SLC25A26: variants seen among roughly 807,000 people sequenced by gnomAD.
SLC25A26 encodes the protein solute carrier family 25 member 26.
SLC25A26 carries 36 observed loss-of-function variants against 37.8 expected under a neutral mutation model. That is an observed-to-expected ratio of 0.95 (90% CI 0.73 to 1.26). The LOEUF is 1.26. Ranked by LOEUF, SLC25A26 falls within the 50% of genes most tolerant of loss-of-function variation. The probability of loss-of-function intolerance (pLI) is 0.00; values close to 1 mark genes in which losing one functional copy is unlikely to be tolerated. For synonymous variants in SLC25A26, 129 were observed against 122.5 expected (o/e 1.05, Z -0.35); for missense variants, 390 against 331.1 (o/e 1.18, Z -1.38).
intron 1 of SLC25A26, among the ~76,000 whole-genome samples, chr3:66,187,271 C>T (rs1375235806): frequency 6.6e-6 from 1 of 151,878 alleles, no homozygotes; most frequent in African/African-American, 2.4e-5. Flanking sequence ...TCACACACAG[C>T]CTTACCCTTC....
intron 5 of SLC25A26, among the ~76,000 whole-genome samples, chr3:66,332,910 G>A (rs2076010181): frequency 6.6e-6 from 1 of 152,152 alleles, no homozygotes; most frequent in African/African-American, 2.4e-5. Context: ...TGACATATGT[G>A]GGTGGTGTAT....
intron 1 of SLC25A26, among the ~76,000 whole-genome samples, chr3:66,222,654 A>AACT (rs1201129762): frequency 6.6e-6 from 1 of 152,240 alleles, no homozygotes; most frequent in African/African-American, 2.4e-5. Flanking sequence ...GAAGTGGGAT[A>AACT]CCAAGAGATT....
chr3:66,177,458 C>T (rs1454318019), intron 1 of SLC25A26, among the ~76,000 whole-genome samples: 1 of 152,176 alleles, frequency 6.6e-6, no homozygotes. Flanking sequence ...CAGCAACAAC[C>T]CACAACACTT....
chr3:66,273,573 A>G (rs1051780653), intron 5 of SLC25A26, among the ~76,000 whole-genome samples: 1 of 152,318 alleles, frequency 6.6e-6, no homozygotes, highest in South Asian at 2.1e-4. Context: ...TACAAAATCA[A>G]TGTACAAAAA....
At chr3:66,319,915 G>C (rs1220032219) in intron 5 of SLC25A26, among the ~76,000 whole-genome samples, 2 of 151,712 alleles carry the variant, frequency 1.3e-5, no homozygotes, top group African/African-American at 4.8e-5. Flanking sequence ...CACCACGCCT[G>C]GCTAATTTTT....
At chr3:66,338,852 A>G (rs576652796) in intron 5 of SLC25A26, among the ~76,000 whole-genome samples, 2 of 152,046 alleles carry the variant, frequency 1.3e-5, no homozygotes, top group South Asian at 4.1e-4. Flanking sequence ...TGTCTGGCTT[A>G]TTTTACCTGG....
At chr3:66,288,667 T>C (rs1383885322) in intron 5 of SLC25A26, among the ~76,000 whole-genome samples, 1 of 152,218 alleles carries the variant, frequency 6.6e-6, no homozygotes, top group Admixed American at 6.5e-5. Flanking sequence ...CATCCATTTT[T>C]ATGGCTGCAT....
chr3:66,236,552 G>T lies in SLC25A26; in HGVS notation c.42G>T (p.Gly14=). 6.8e-7 allele frequency: 1 copy of T among 1,460,206 alleles called. No individual in the cohort carries two copies. Among genetic ancestry groups the T allele is most frequent in the Non-Finnish European group, 9.1e-7 (1 of 1,096,042 alleles). 90.5% of individuals were successfully genotyped at this position (1,460,206 alleles called of 1,614,324 possible). A position where few individuals can be genotyped will look rare whatever the true frequency, so the allele number is the denominator to read the frequency against. The stretch of plus-strand genomic sequence containing the variant: ...CTCTTTTTTTTTCAAAGGCTGGTGG[G>T]GTAGCAGGTGTTTCTGTTGACTTGA... The part of the protein sequence containing the change: ...PGFVAALVAG[G]VAGVSVDLIL... Residue 14 remains glycine, a synonymous_variant, in exon 2 of 10, where the codon GGG becomes GGT. Coordinates refer to ENST00000354883, the MANE Select transcript of SLC25A26 (RefSeq NM_001379210.1).
chr3:66,360,417 A>T (rs1456369873), intron 6 of SLC25A26, among the ~76,000 whole-genome samples: 1 of 152,138 alleles, frequency 6.6e-6, no homozygotes, highest in Admixed American at 6.5e-5. Context: ...ATAAACAATA[A>T]AAGTTACCTT....
At chr3:66,144,804 T>C (rs903683347) in intron 1 of SLC25A26, among the ~76,000 whole-genome samples, 32 of 152,214 alleles carry the variant, frequency 2.1e-4, no homozygotes, top group Non-Finnish European at 1.3e-4. Context: ...GTCTTTTTAT[T>C]TCTTTAAGCA....
chr3:66,362,560 G>T (rs1384087430), intron 6 of SLC25A26, among the ~76,000 whole-genome samples: 1 of 152,216 alleles, frequency 6.6e-6, no homozygotes, highest in African/African-American at 2.4e-5. Flanking sequence ...AAGAAAACTT[G>T]TGGGTCATGA....
At chr3:66,368,343 C>T (rs370040373) in intron 7 of SLC25A26, among the ~76,000 whole-genome samples, 19 of 152,278 alleles carry the variant, frequency 1.2e-4, no homozygotes, top group East Asian at 9.6e-4. Flanking sequence ...CTTTGTACTG[C>T]ATTTTAAATG....
chr3:66,371,169 T>C, intron 9 of SLC25A26: 1 of 1,454,836 alleles, frequency 6.9e-7, no homozygotes, highest in Non-Finnish European at 9.1e-7. Flanking sequence ...GTTGAGATCT[T>C]ACAGGCATGT....
chr3:66,234,399 C>T (rs918243965), intron 1 of SLC25A26, among the ~76,000 whole-genome samples: 4 of 152,198 alleles, frequency 2.6e-5, no homozygotes, highest in African/African-American at 9.6e-5. Flanking sequence ...AGAAATCCCA[C>T]GTTATTGGAT....
intron 1 of SLC25A26, among the ~76,000 whole-genome samples, chr3:66,204,939 C>T (rs1488872793): frequency 6.6e-6 from 1 of 152,130 alleles, no homozygotes; most frequent in African/African-American, 2.4e-5. Context: ...AGGGTATTGA[C>T]TGGGAGGGCT....
intron 3 of SLC25A26, among the ~76,000 whole-genome samples, chr3:66,244,841 G>C (rs1360657221): frequency 6.6e-6 from 1 of 151,960 alleles, no homozygotes; most frequent in Non-Finnish European, 1.5e-5. Context: ...GCCGGGTGTG[G>C]TGGTGGGTGC....
intron 5 of SLC25A26, among the ~76,000 whole-genome samples, chr3:66,284,455 A>G (rs2074443332): frequency 6.6e-6 from 1 of 152,206 alleles, no homozygotes; most frequent in Admixed American, 6.5e-5. Flanking sequence ...ATATAAGCTG[A>G]TTTTCTCCAC....
At chr3:66,142,210 C>T (rs2070045907) in intron 1 of SLC25A26, among the ~76,000 whole-genome samples, 1 of 152,218 alleles carries the variant, frequency 6.6e-6, no homozygotes, top group Non-Finnish European at 1.5e-5. Flanking sequence ...ATTCTGCACA[C>T]TTCATGTAAA....
intron 1 of SLC25A26, among the ~76,000 whole-genome samples, chr3:66,159,164 G>A (rs142838924): frequency 5.6e-4 from 85 of 152,298 alleles, no homozygotes; most frequent in South Asian, 1.5e-3. Context: ...AGCAGGCGAG[G>A]GATGTGAACC....
Sources: allele counts gnomAD v4.1 joint callset (sites outside exome capture counted in the v4.1 genomes callset), GRCh38; gene constraint gnomAD v4.1.1; transcripts MANE v1.5; gene names NCBI Gene and HGNC (gene_info 2026-07-23, HGNC 2026-07-21).